The following FLRT2 variants were observed in gnomAD, a reference collection of about 807,000 sequenced individuals.
FLRT2 encodes the protein fibronectin leucine rich transmembrane protein 2.
Under a neutral mutation model 40.0 loss-of-function variants are expected in FLRT2, and 15 were observed. That is an observed-to-expected ratio of 0.38 (90% CI 0.25 to 0.58). The LOEUF (loss-of-function observed/expected upper bound fraction) is 0.58. Among genes scored for constraint, FLRT2 ranks in the 20% least tolerant of loss-of-function variants. The pLI, the probability that FLRT2 is intolerant of heterozygous loss-of-function variation, is 0.71. For synonymous variants in FLRT2, 380 were observed against 336.8 expected (o/e 1.13, Z -1.41); for missense variants, 726 against 840.0 (o/e 0.86, Z 1.68).
chr14:85,573,119 A>G (rs913599094), intron 1 of FLRT2, among the ~76,000 whole-genome samples: 1 of 152,160 alleles, frequency 6.6e-6, no homozygotes, highest in Non-Finnish European at 1.5e-5. Context: ...TTTGTCTATC[A>G]TATCCTCCAT....
intron 1 of FLRT2, among the ~76,000 whole-genome samples, chr14:85,614,117 A>G (rs911080080): frequency 2.0e-5 from 3 of 152,144 alleles, no homozygotes; most frequent in African/African-American, 2.4e-5. Flanking sequence ...AAATATTAAT[A>G]CTATTATTTT....
intron 1 of FLRT2, among the ~76,000 whole-genome samples, chr14:85,599,174 C>A (rs1366572651): frequency 2.7e-5 from 4 of 150,722 alleles, no homozygotes; most frequent in African/African-American, 9.7e-5. Context: ...CCCGCCTCGG[C>A]CTCCCAAAGT....
intron 1 of FLRT2, among the ~76,000 whole-genome samples, chr14:85,596,325 A>G (rs1185482900): frequency 2.0e-5 from 3 of 152,238 alleles, no homozygotes; most frequent in Non-Finnish European, 4.4e-5. Flanking sequence ...CAAGAATCTT[A>G]AATAGAATCA....
At chr14:85,535,711 G>GAC (rs765987008) in intron 1 of FLRT2, among the ~76,000 whole-genome samples, 5 of 152,164 alleles carry the variant, frequency 3.3e-5, no homozygotes, top group Admixed American at 2.0e-4. Flanking sequence ...AATCACTGAA[G>GAC]ACAGTGCAAC....
At chr14:85,589,479 T>C (rs1891785569) in intron 1 of FLRT2, among the ~76,000 whole-genome samples, 1 of 152,158 alleles carries the variant, frequency 6.6e-6, no homozygotes, top group African/African-American at 2.4e-5. Flanking sequence ...TTTCCTATAG[T>C]CGTTTGATCT....
chr14:85,566,382 CAAAGT>C (rs1218956225), intron 1 of FLRT2, among the ~76,000 whole-genome samples: 1 of 152,088 alleles, frequency 6.6e-6, no homozygotes, highest in Non-Finnish European at 1.5e-5. Context: ...GCAAACATAA[CAAAGT>C]ATTATTCTGC....
chr14:85,580,744 G>C (rs959117737), intron 1 of FLRT2, among the ~76,000 whole-genome samples: 15 of 43,900 alleles, frequency 3.4e-4, no homozygotes, highest in African/African-American at 2.5e-3. Flanking sequence ...AATGGGTGTA[G>C]AGCAAGCGTT....
At chr14:85,560,916 T>C (rs2139844222) in intron 1 of FLRT2, 1 of 152,288 alleles carries the variant, frequency 6.6e-6, no homozygotes, top group Admixed American at 6.5e-5. Flanking sequence ...AATTACTCCG[T>C]TACTTTAATT....
chr14:85,584,485 A>G (rs916205111), intron 1 of FLRT2, among the ~76,000 whole-genome samples: 1 of 152,186 alleles, frequency 6.6e-6, no homozygotes, highest in Non-Finnish European at 1.5e-5. Flanking sequence ...GGCTCAATAC[A>G]GTCAGATTTT....
Position 85,631,198 on chromosome 14 carries a change from T to C in FLRT2, c.*7701T>C, listed in dbSNP as rs1442183205. Reference sequence around the variant, plus strand: ...TCAAGTTCCTTCAAACCACTATATATGTGCTCAAGGTCTTTCATCCTGTGA... The same window carrying C: ...TCAAGTTCCTTCAAACCACTATATACGTGCTCAAGGTCTTTCATCCTGTGA... On this transcript the variant is annotated 3_prime_UTR_variant, in exon 2 of 2. Transcript: ENST00000330753. The C allele has an allele frequency of 6.8e-6, 1 of 147,946 alleles. No homozygotes were observed. The highest frequency in any genetic ancestry group is 2.1e-4 in the South Asian group (1 of 4,712). 9.2% of individuals were successfully genotyped at this position (147,946 alleles called of 1,614,324 possible). A position where few individuals can be genotyped will look rare whatever the true frequency, so the allele number is the denominator to read the frequency against.
At chr14:85,611,458 C>A (rs1892856387) in intron 1 of FLRT2, among the ~76,000 whole-genome samples, 1 of 152,152 alleles carries the variant, frequency 6.6e-6, no homozygotes, top group Non-Finnish European at 1.5e-5. Context: ...AGAGAACCAA[C>A]AAGGAAAGAT....
rs1230307501 is a variant in FLRT2 at position 85,640,087 on chromosome 14, A to T, written c.*16590A>T. ...ATGGTCTCGATTTCCTGACCTCGTG[A>T]TCCGCCCGCCTCGGCCTCCCAAAGT... On this transcript the variant is annotated 3_prime_UTR_variant, in exon 2 of 2. Transcript: ENST00000330753. The T allele has an allele frequency of 2.0e-5, 3 of 152,054 alleles. No homozygotes were observed. Among genetic ancestry groups the T allele is most frequent in the Non-Finnish European group, 4.4e-5 (3 of 68,090 alleles). 9.4% of individuals were successfully genotyped at this position (152,054 alleles called of 1,614,324 possible). A position where few individuals can be genotyped will look rare whatever the true frequency, so the allele number is the denominator to read the frequency against.
At chr14:85,578,142 TTA>T (rs954816469) in intron 1 of FLRT2, among the ~76,000 whole-genome samples, 2 of 145,526 alleles carry the variant, frequency 1.4e-5, no homozygotes, top group African/African-American at 5.0e-5. Flanking sequence ...ATATATATAT[TTA>T]TATATATAAA....
At chr14:85,547,885 A>G (rs537280695) in intron 1 of FLRT2, among the ~76,000 whole-genome samples, 1 of 152,302 alleles carries the variant, frequency 6.6e-6, no homozygotes, top group African/African-American at 2.4e-5. Flanking sequence ...AACTTGAAGC[A>G]GGGAGGGGGC....
chr14:85,555,689 CTATTT>C (rs142498787), intron 1 of FLRT2, among the ~76,000 whole-genome samples: 70 of 117,884 alleles, frequency 5.9e-4, no homozygotes, highest in South Asian at 2.8e-3. Context: ...TATCTGAAAT[CTATTT>C]TATTTTATTT....
In FLRT2 at chr14:85,644,789, G is replaced by A. The variant is rs542891900; in HGVS notation, c.*21292G>A. 4 of 152,266 alleles carry A rather than the reference G, an allele frequency of 2.6e-5. No homozygotes were observed. In the East Asian group the frequency reaches 7.7e-4, roughly 29 times the overall value. 9.4% of individuals were successfully genotyped at this position (152,266 alleles called of 1,614,324 possible). A position where few individuals can be genotyped will look rare whatever the true frequency, so the allele number is the denominator to read the frequency against. On this transcript the variant is annotated 3_prime_UTR_variant, in exon 2 of 2. Transcript: ENST00000330753. ...AAGAGTAGACTCTCTAGCTTTTCCAGGCTGTGGTCCAGGCTGCTGTCTTTG... is the reference window on the plus strand; with the variant it reads ...AAGAGTAGACTCTCTAGCTTTTCCAAGCTGTGGTCCAGGCTGCTGTCTTTG...
At position 85,622,918 on chromosome 14, in the gene FLRT2, G is replaced by C; in HGVS notation, c.1404G>C (p.Glu468Asp). The C allele has an allele frequency of 6.2e-7, 1 of 1,614,206 alleles. No homozygotes were observed. Among genetic ancestry groups the C allele is most frequent in the Non-Finnish European group, 8.5e-7 (1 of 1,180,030 alleles). Residue 468 changes from glutamate (E) to aspartate (D), a missense_variant, in exon 2 of 2, where the codon GAG becomes GAC. By Grantham distance (45) the Glu-to-Asp change is conservative. Coordinates refer to ENST00000330753, the MANE Select transcript of FLRT2 (RefSeq NM_013231.6). Reference protein sequence around the residue: ...GHSLVGGIVQERIVSGEKQHL... With the variant: ...GHSLVGGIVQDRIVSGEKQHL... ...GTTTAGTAGGGGGCATCGTTCAGGA[G>C]CGCATAGTCAGCGGTGAGAAGCAAC...
rs949626056 is a variant in FLRT2, at chr14:85,634,564, T to C, written c.*11067T>C. On this transcript the variant is annotated 3_prime_UTR_variant, in exon 2 of 2. Transcript: ENST00000330753. The stretch of plus-strand genomic sequence containing the variant: ...TAGCCTATTGGATGGGAAGTTATAT[T>C]ATGAAAACATGATGAATCTTTTAAA... 2 of 152,216 alleles carry C rather than the reference T, an allele frequency of 1.3e-5. No individual in the cohort carries two copies. Among genetic ancestry groups the C allele is most frequent in the Non-Finnish European group, 2.9e-5 (2 of 68,028 alleles). The allele number at this position is 152,216 out of a possible 1,614,324, so 9.4% of individuals were successfully genotyped here.
chr14:85,538,009 CA>C (rs1888771508), intron 1 of FLRT2, among the ~76,000 whole-genome samples: 1 of 152,090 alleles, frequency 6.6e-6, no homozygotes, highest in Admixed American at 6.5e-5. Context: ...GTTAATGATG[CA>C]GAAAAAGTTC....
Sources: allele counts gnomAD v4.1 joint callset (sites outside exome capture counted in the v4.1 genomes callset), GRCh38; gene constraint gnomAD v4.1.1; transcripts MANE v1.5; gene names NCBI Gene and HGNC (gene_info 2026-07-23, HGNC 2026-07-21).